Variants in COL6A5 observed in about 807,000 individuals in gnomAD.
COL6A5 encodes collagen type VI alpha 5 chain.
COL6A5 carries 48 observed loss-of-function variants against 65.6 expected under a neutral mutation model. That is an observed-to-expected ratio of 0.73 (90% CI 0.58 to 0.93). The LOEUF (loss-of-function observed/expected upper bound fraction) is 0.93. Among genes scored for constraint, COL6A5 ranks in the 40% least tolerant of loss-of-function variants. COL6A5 has a pLI of 0.00. For missense variants in COL6A5, 914 were observed against 928.3 expected (o/e 0.98, Z 0.20); for synonymous variants, 291 against 322.8 (o/e 0.90, Z 1.05).
chr3:130,402,162 T>A (rs181833970), intron 12 of COL6A5, among the ~76,000 whole-genome samples: 2 of 152,268 alleles, frequency 1.3e-5, no homozygotes, highest in East Asian at 3.9e-4. Flanking sequence ...GAGATGAAGC[T>A]GGGTGTAGGA....
chr3:130,362,252 T>TTC lies in COL6A5; in HGVS notation c.-28-11341_-28-11340dup, dbSNP rs373519002. On this transcript the variant is annotated intron_variant and NMD_transcript_variant, in intron 1 of 41. Transcript: ENST00000312481. ...TTTTTGGGAAGGGTGTAAGGTTTCT[T>TTC]TCTCTCTCTCTCTCTCTCTTTGTCT... Among the ~76,000 whole-genome samples, 71 of 114,352 alleles carry TTC rather than the reference T, an allele frequency of 6.2e-4. 3 individuals carry two copies. Among genetic ancestry groups the TTC allele is most frequent in the South Asian group, 1.3e-3 (4 of 2,974 alleles). 75.0% of individuals were successfully genotyped at this position (114,352 alleles called of 152,430 possible).
At chr3:130,447,775 G>T (rs1482504752) in intron 4 of COL6A5, among the ~76,000 whole-genome samples, 1 of 152,014 alleles carries the variant, frequency 6.6e-6, no homozygotes, top group Non-Finnish European at 1.5e-5. Flanking sequence ...AATTAACTCC[G>T]CCGTTTGAGC....
chr3:130,355,269 A>G (rs193286822), intron 1 of COL6A5, among the ~76,000 whole-genome samples: 1 of 152,106 alleles, frequency 6.6e-6, no homozygotes, highest in Non-Finnish European at 1.5e-5. Context: ...ACAAAGCAAG[A>G]ATTACACTTC....
At position 130,389,037 on chromosome 3, in the gene COL6A5, G is replaced by T. The variant is rs528510271; in HGVS notation, c.2319G>T (p.Glu773Asp). The T allele has an allele frequency of 6.6e-7, 1 of 1,514,456 alleles. No homozygotes were observed. Among genetic ancestry groups the T allele is most frequent in the Admixed American group, 2.3e-5 (1 of 43,728 alleles). The allele number at this position is 1,514,456 out of a possible 1,614,324, so 93.8% of individuals were successfully genotyped here. A position where few individuals can be genotyped will look rare whatever the true frequency, so the allele number is the denominator to read the frequency against. ...ATGCCAATAGATCTCAGCTAGAAGA[G>T]ATCAGTGGGGATAGCAGCCTAGTTT... The change falls in exon 6 of 42, where the codon GAG becomes GAT. Residue 773 changes from glutamate (E) to aspartate (D), a missense_variant and NMD_transcript_variant. Physicochemically the swap from Glu to Asp is conservative, Grantham distance 45. Transcript: ENST00000312481.
At chr3:130,348,365 C>T (rs1185180673) in intron 1 of COL6A5, among the ~76,000 whole-genome samples, 1 of 152,208 alleles carries the variant, frequency 6.6e-6, no homozygotes, top group Non-Finnish European at 1.5e-5. Flanking sequence ...TGAGTGACAA[C>T]ATGCGGTGTT....
At chr3:130,468,622 G>A (rs370752650) in intron 5 of COL6A5, among the ~76,000 whole-genome samples, 173 bp from the exon 38 acceptor site, 2 of 151,982 alleles carry the variant, frequency 1.3e-5, no homozygotes, top group East Asian at 1.9e-4. Context: ...TGCGCTATGT[G>A]GGTACAGATT....
At chr3:130,397,779 AT>A in exon 9 of COL6A5, 1 of 1,551,710 alleles carries the variant, frequency 6.4e-7, no homozygotes, top group East Asian at 2.4e-5. Context: ...GTGACCAAGG[AT>A]TCCCTGCCAA....
In COL6A5 at chr3:130,456,627, A is replaced by G. The variant is rs141388149; in HGVS notation, c.1544+961A>G. On this transcript the variant is annotated intron_variant, in intron 5 of 7. Transcript: ENST00000512836. ...CTATATCCATATAAATTAAAAATAT[A>G]TGTATTTTTAATTCCAAAGAGACTA... is the stretch of plus-strand genomic sequence containing the variant. 2.3e-3 allele frequency among the ~76,000 whole-genome samples: 349 copies of G among 152,238 alleles called. 3 individuals are homozygous for G. Among genetic ancestry groups the G allele is most frequent in the African/African-American group, 8.1e-3 (338 of 41,558 alleles).
chr3:130,450,138 G>T (rs993157312), intron 4 of COL6A5, among the ~76,000 whole-genome samples: 1 of 152,100 alleles, frequency 6.6e-6, no homozygotes, highest in African/African-American at 2.4e-5. Context: ...AGATTTGTTT[G>T]TGCTGGGGGT....
chr3:130,442,557 C>G (rs1709210317), intron 3 of COL6A5, among the ~76,000 whole-genome samples: 1 of 152,146 alleles, frequency 6.6e-6, no homozygotes, highest in Non-Finnish European at 1.5e-5. Flanking sequence ...CGCTGCCTTC[C>G]CACAACCACT....
At chr3:130,388,754 A>C (rs1936287132) in exon 6 of COL6A5, 1 of 1,551,298 alleles carries the variant, frequency 6.4e-7, no homozygotes, top group Non-Finnish European at 8.7e-7. Flanking sequence ...ACTAAGGAAG[A>C]GTTCCAGCTT....
At chr3:130,420,420 G>C (rs543154730) in intron 25 of COL6A5, among the ~76,000 whole-genome samples, 1 of 152,032 alleles carries the variant, frequency 6.6e-6, no homozygotes, top group East Asian at 1.9e-4. Context: ...TTATGTGACC[G>C]ATATCTTGTT....
intron 4 of COL6A5, among the ~76,000 whole-genome samples, chr3:130,452,032 C>A (rs969254733): frequency 3.3e-5 from 5 of 152,120 alleles, no homozygotes; most frequent in Admixed American, 6.5e-5. Flanking sequence ...GGACAGTGTT[C>A]TTCTACTGCC....
intron 24 of COL6A5, among the ~76,000 whole-genome samples, 159 bp downstream of exon 24, chr3:130,416,978 A>G (rs994003114): frequency 7.2e-5 from 11 of 152,054 alleles, no homozygotes; most frequent in Admixed American, 2.6e-4. Context: ...CAGGTTTGTT[A>G]CATAGGGATA....
chr3:130,473,889 T>C (rs1020345106), intron 7 of COL6A5, among the ~76,000 whole-genome samples: 3 of 152,140 alleles, frequency 2.0e-5, no homozygotes, highest in Admixed American at 6.6e-5. Context: ...TCTTCCCTGG[T>C]TCCCCTTCCT....
intron 5 of COL6A5, among the ~76,000 whole-genome samples, chr3:130,462,425 T>C (rs1420068960): frequency 6.6e-6 from 1 of 152,136 alleles, no homozygotes; most frequent in Non-Finnish European, 1.5e-5. Context: ...TTCGTGGAAG[T>C]CCTGGTTTGG....
In COL6A5 at chr3:130,422,801, C is replaced by G; in HGVS notation, c.5100+19C>G. The G allele has an allele frequency of 1.4e-6, 2 of 1,407,322 alleles. No individual in the cohort carries two copies. Among genetic ancestry groups the G allele is most frequent in the Non-Finnish European group, 1.9e-6 (2 of 1,051,302 alleles). 87.2% of individuals were successfully genotyped at this position (1,407,322 alleles called of 1,614,324 possible). A position where few individuals can be genotyped will look rare whatever the true frequency, so the allele number is the denominator to read the frequency against. ...ACTAGCAGTAAGTAGCCTATAATTC[C>G]AGAAATGATAAATATTCCTTTGGCA... On this transcript the variant is annotated intron_variant and NMD_transcript_variant, in intron 28 of 41. Transcript: ENST00000312481.
chr3:130,446,099 A>T (rs1434756727), intron 4 of COL6A5, among the ~76,000 whole-genome samples: 1 of 152,096 alleles, frequency 6.6e-6, no homozygotes, highest in Admixed American at 6.5e-5. Context: ...CCTGGACTTG[A>T]GTTTCTAGAG....
At chr3:130,437,554 C>T (rs910874783) in intron 1 of COL6A5, among the ~76,000 whole-genome samples, 2 of 152,130 alleles carry the variant, frequency 1.3e-5, no homozygotes, top group Non-Finnish European at 2.9e-5. Context: ...TATCATTTCT[C>T]TCAGAGTTAA....
Sources: gnomAD v4.1 joint callset for allele counts (sites outside exome capture counted in the v4.1 genomes callset) on GRCh38, gnomAD v4.1.1 for gene constraint, MANE v1.5 for transcripts, NCBI Gene and HGNC (gene_info 2026-07-23, HGNC 2026-07-21) for gene names.